Variants in STAM2 observed in about 807,000 individuals in gnomAD.
STAM2 encodes signal transducing adaptor molecule 2, also known as signal transducing adapter molecule 2.
In STAM2, 51 loss-of-function variants were observed where a neutral mutation model predicts 65.6. That is an observed-to-expected ratio of 0.78 (90% CI 0.62 to 0.98). The LOEUF (loss-of-function observed/expected upper bound fraction) is 0.98, where lower values mean the gene tolerates loss of function less well. STAM2 is among the 50% of genes least tolerant of loss of function. The probability of loss-of-function intolerance (pLI) is 0.00; values close to 1 mark genes in which losing one functional copy is unlikely to be tolerated. For missense variants in STAM2, 584 were observed against 617.8 expected, an observed-to-expected ratio of 0.95 and a Z score of 0.58; for synonymous variants, 198 against 208.4, an observed-to-expected ratio of 0.95 and a Z score of 0.43.
chr2:152,124,616 T>C (rs1688918383), intron 12 of STAM2: 1 of 152,238 alleles, frequency 6.6e-6, no homozygotes, highest in Non-Finnish European at 1.5e-5. Context: ...CTACTAAATA[T>C]AGCATCAAAA....
intron 7 of STAM2, among the ~76,000 whole-genome samples, chr2:152,141,811 G>A (rs549790892): frequency 1.7e-3 from 251 of 151,826 alleles, no homozygotes; most frequent in African/African-American, 5.9e-3. Flanking sequence ...GGGTGGTCTC[G>A]AACTCCTGAC....
intron 1 of STAM2, among the ~76,000 whole-genome samples, chr2:152,171,095 A>G (rs1466912385): frequency 1.3e-5 from 2 of 152,342 alleles, no homozygotes; most frequent in Middle Eastern, 3.4e-3. Flanking sequence ...GTATATTTGT[A>G]AGTGTAGTAT....
At position 152,144,868 on chromosome 2, in the gene STAM2, ACATGTGCTTGAT is replaced by A; in HGVS notation, c.517+8_517+19del. On this transcript the variant is annotated splice_region_variant and intron_variant, in intron 6 of 13. Coordinates refer to ENST00000263904, the MANE Select transcript of STAM2 (RefSeq NM_005843.6). Reference sequence around the variant, plus strand: ...AAGATATTTTAAGCAACACTAAATTACATGTGCTTGATCATTTACCTTTAGCTATGTCTTCAT... The same window carrying A: ...AAGATATTTTAAGCAACACTAAATTACATTTACCTTTAGCTATGTCTTCAT... 1 of 1,608,602 alleles carries A rather than the reference ACATGTGCTTGAT, an allele frequency of 6.2e-7. No homozygotes were observed. The highest frequency in any genetic ancestry group is 1.1e-5 in the South Asian group (1 of 90,932).
At chr2:152,139,392 A>G (rs547723835) in intron 7 of STAM2, among the ~76,000 whole-genome samples, 2 of 152,306 alleles carry the variant, frequency 1.3e-5, no homozygotes, top group African/African-American at 2.4e-5. Flanking sequence ...TAATTAAGAC[A>G]CCATTTGTGC....
Position 152,133,444 on chromosome 2 carries a change from C to A in STAM2, c.840G>T (p.Glu280Asp), listed in dbSNP as rs1469261436. 6.2e-7 allele frequency: 1 copy of A among 1,612,664 alleles called. No individual in the cohort carries two copies. The highest frequency in any genetic ancestry group is 8.5e-7 in the Non-Finnish European group (1 of 1,179,312). ...GCTCAGGCTCTGATTTCTTAATTTC[C>A]TCCACATCATCATCAATTACATTCA... ...DKLNVIDDDV[E>D]EIKKSEPEPV... The change falls in exon 9 of 14, where the codon GAG becomes GAT. Residue 280 changes from glutamate (E) to aspartate (D), a missense_variant. Coordinates refer to ENST00000263904, the MANE Select transcript of STAM2 (RefSeq NM_005843.6).
At chr2:152,146,234 G>A (rs1220339292) in intron 5 of STAM2, among the ~76,000 whole-genome samples, 3 of 136,784 alleles carry the variant, frequency 2.2e-5, no homozygotes, top group Non-Finnish European at 4.5e-5. Context: ...TTGTGCCACT[G>A]CACTCCAGCC....
At chr2:152,159,573 C>A (rs1167334504) in intron 1 of STAM2, among the ~76,000 whole-genome samples, 1 of 152,180 alleles carries the variant, frequency 6.6e-6, no homozygotes, top group Non-Finnish European at 1.5e-5. Context: ...AATCCTCTAT[C>A]ATCTCCTGAG....
In STAM2 at chr2:152,123,834, T is replaced by C. The variant is rs566544190; in HGVS notation, c.1281A>G (p.Pro427=). 29 of 1,614,176 alleles carry C rather than the reference T, an allele frequency of 1.8e-5. 1 individual carries two copies. The South Asian group carries it at 3.0e-4, about 17-fold the overall frequency. The change falls in exon 13 of 14, where the codon CCA becomes CCG. Residue 427 remains proline (P), a synonymous_variant. Transcript: ENST00000263904. ...TCACATTTGGAGGCAGAGATCTCAG[T>C]GGACCAATTTGATCGGGTCCTAGGC... The part of the protein sequence containing the change: ...SYSLGPDQIG[P]LRSLPPNVNS...
intron 1 of STAM2, among the ~76,000 whole-genome samples, chr2:152,154,507 A>G (rs1159292656): frequency 6.6e-6 from 1 of 152,194 alleles, no homozygotes; most frequent in African/African-American, 2.4e-5. Flanking sequence ...AGTCCCAGCT[A>G]CTTGGGAGGC....
At chr2:152,173,210 C>CA (rs200244856) in intron 1 of STAM2, among the ~76,000 whole-genome samples, 4,940 of 117,376 alleles carry the variant, frequency 0.042, 130 homozygotes, top group Non-Finnish European at 0.061. Flanking sequence ...AAGGAATGAC[C>CA]AAAAAAAAAA....
intron 1 of STAM2, among the ~76,000 whole-genome samples, chr2:152,154,186 T>C (rs968219959): frequency 6.6e-6 from 1 of 152,186 alleles, no homozygotes; most frequent in African/African-American, 2.4e-5. Flanking sequence ...GCATAACTTA[T>C]TCCATGGAGA....
intron 1 of STAM2, among the ~76,000 whole-genome samples, chr2:152,164,367 G>C (rs1271268280): frequency 6.7e-6 from 1 of 148,282 alleles, no homozygotes. Context: ...TTGAGATGCA[G>C]TTTCACTCTT....
chr2:152,157,235 G>A (rs1375416102), intron 1 of STAM2, among the ~76,000 whole-genome samples: 4 of 152,184 alleles, frequency 2.6e-5, no homozygotes, highest in Admixed American at 6.5e-5. Context: ...CTTGAGATGA[G>A]TCTCTATGGG....
At chr2:152,124,035 T>C in intron 12 of STAM2, 100 bp from the exon 13 acceptor site, 1 of 1,015,608 alleles carries the variant, frequency 9.8e-7, no homozygotes, top group Non-Finnish European at 1.4e-6. Flanking sequence ...AAACTATACT[T>C]CTTTGGGAAG....
chr2:152,131,998 A>G (rs1295247746), intron 11 of STAM2, 116 bp downstream of exon 11: 2 of 661,510 alleles, frequency 3.0e-6, no homozygotes, highest in South Asian at 4.7e-5. Flanking sequence ...GGGAAACTGA[A>G]AAACAATTTC....
At chr2:152,140,150 T>G (rs1689218976) in intron 7 of STAM2, among the ~76,000 whole-genome samples, 1 of 152,194 alleles carries the variant, frequency 6.6e-6, no homozygotes, top group Non-Finnish European at 1.5e-5. Flanking sequence ...AGAGAACTCT[T>G]AACTCCACTG....
intron 5 of STAM2, among the ~76,000 whole-genome samples, chr2:152,146,806 G>C (rs1345565973): frequency 6.6e-6 from 1 of 151,944 alleles, no homozygotes; most frequent in African/African-American, 2.4e-5. Flanking sequence ...TCCTGTATTT[G>C]TCACTTACAA....
chr2:152,165,617 A>G (rs576796809), intron 1 of STAM2, among the ~76,000 whole-genome samples: 1 of 152,288 alleles, frequency 6.6e-6, no homozygotes, highest in African/African-American at 2.4e-5. Context: ...CACATCACCA[A>G]TAAAACAACG....
At chr2:152,124,995 CAG>C (rs1485067152) in intron 12 of STAM2, among the ~76,000 whole-genome samples, 6 of 152,332 alleles carry the variant, frequency 3.9e-5, no homozygotes, top group South Asian at 4.1e-4. Context: ...AGGAATCAAA[CAG>C]AAAGTTAACT....
Sources: allele counts gnomAD v4.1 joint callset (sites outside exome capture counted in the v4.1 genomes callset), GRCh38; gene constraint gnomAD v4.1.1; transcripts MANE v1.5; gene names NCBI Gene and HGNC (gene_info 2026-07-23, HGNC 2026-07-21).